The following PDE4B variants were observed in gnomAD, a reference collection of about 807,000 sequenced individuals.
PDE4B encodes the protein 3',5'-cyclic-AMP phosphodiesterase 4B.
A neutral mutation model predicts 82.2 loss-of-function variants in PDE4B; 20 were observed. That is an observed-to-expected ratio of 0.24 (90% CI 0.17 to 0.35). The LOEUF is 0.35. Ranked by LOEUF, PDE4B falls within the 10% of genes least tolerant of loss-of-function variation. The probability of loss-of-function intolerance (pLI) is 1.00; values close to 1 mark genes in which losing one functional copy is unlikely to be tolerated. For synonymous variants in PDE4B, 320 were observed against 318.9 expected (o/e 1.00, Z -0.04); for missense variants, 655 against 907.2 (o/e 0.72, Z 3.57).
intron 3 of PDE4B, among the ~76,000 whole-genome samples, chr1:65,976,596 C>T (rs1010398233): frequency 6.6e-6 from 1 of 152,102 alleles, no homozygotes; most frequent in Non-Finnish European, 1.5e-5. Context: ...AACCAAATCT[C>T]ATGTCAAATT....
intron 3 of PDE4B, among the ~76,000 whole-genome samples, chr1:66,079,697 A>G (rs1656623689): frequency 6.6e-6 from 1 of 152,160 alleles, no homozygotes; most frequent in Non-Finnish European, 1.5e-5. Flanking sequence ...TTATTTGAAG[A>G]TACTAAATGT....
chr1:66,276,720 A>G (rs1655905362), intron 7 of PDE4B, among the ~76,000 whole-genome samples: 1 of 152,210 alleles, frequency 6.6e-6, no homozygotes, highest in Non-Finnish European at 1.5e-5. Flanking sequence ...TGCTGTGATG[A>G]AGAGAATGTA....
intron 3 of PDE4B, among the ~76,000 whole-genome samples, chr1:66,146,319 G>C (rs1419543371): frequency 4.0e-5 from 6 of 151,710 alleles, no homozygotes; most frequent in Admixed American, 3.9e-4. Context: ...GAGTAGCTGG[G>C]ACTACAGGCG....
chr1:65,864,984 C>T (rs951936183), intron 1 of PDE4B, among the ~76,000 whole-genome samples: 2 of 152,194 alleles, frequency 1.3e-5, no homozygotes, highest in African/African-American at 4.8e-5. Flanking sequence ...CGCCCACAAC[C>T]GCCCCTTCCC....
At chr1:65,990,076 CTT>C (rs1259526201) in intron 3 of PDE4B, among the ~76,000 whole-genome samples, 1 of 151,960 alleles carries the variant, frequency 6.6e-6, no homozygotes, top group African/African-American at 2.4e-5. Flanking sequence ...AATTAACAGA[CTT>C]TACATATTTT....
chr1:66,293,362 T>A (rs1435365069), intron 7 of PDE4B, among the ~76,000 whole-genome samples: 3 of 152,188 alleles, frequency 2.0e-5, no homozygotes, highest in African/African-American at 4.8e-5. Flanking sequence ...GCCGTGGTAT[T>A]GTAGCTCGAT....
At chr1:66,205,843 C>T (rs1649502716) in intron 3 of PDE4B, among the ~76,000 whole-genome samples, 1 of 152,218 alleles carries the variant, frequency 6.6e-6, no homozygotes, top group Admixed American at 6.5e-5. Context: ...TTTCCTTGAG[C>T]TCATGCCCTG....
intron 3 of PDE4B, among the ~76,000 whole-genome samples, chr1:66,007,944 A>G (rs1652243152): frequency 6.6e-6 from 1 of 152,158 alleles, no homozygotes; most frequent in Non-Finnish European, 1.5e-5. Flanking sequence ...AACACATTTT[A>G]TATGCTGACA....
At chr1:65,908,213 A>G (rs1357034857) in intron 1 of PDE4B, among the ~76,000 whole-genome samples, 1 of 152,184 alleles carries the variant, frequency 6.6e-6, no homozygotes, top group Admixed American at 6.6e-5. Flanking sequence ...CTGGAAGAAT[A>G]AAGAGGGTCT....
At chr1:66,333,467 TAC>T (rs34525171) in intron 8 of PDE4B, among the ~76,000 whole-genome samples, 107,831 of 151,142 alleles carry the variant, frequency 0.71, 38,637 homozygotes, top group East Asian at 0.89. Context: ...TATGTGTGTG[TAC>T]ACACACACAC....
At chr1:66,212,033 A>T (rs553142346) in intron 3 of PDE4B, among the ~76,000 whole-genome samples, 1 of 152,316 alleles carries the variant, frequency 6.6e-6, no homozygotes, top group South Asian at 2.1e-4. Flanking sequence ...ATACCTCAAT[A>T]TTATTCTCTG....
intron 1 of PDE4B, among the ~76,000 whole-genome samples, chr1:65,858,773 A>G (rs1016607094): frequency 3.3e-5 from 5 of 152,118 alleles, no homozygotes; most frequent in African/African-American, 9.7e-5. Context: ...AAGTTTAGCA[A>G]TTTTGTTAAA....
chr1:65,997,728 T>G (rs1291593756), intron 3 of PDE4B, among the ~76,000 whole-genome samples: 1 of 152,216 alleles, frequency 6.6e-6, no homozygotes, highest in African/African-American at 2.4e-5. Flanking sequence ...CAGGCTCTGA[T>G]CTGGGCTTAG....
chr1:66,156,351 ATATT>A (rs1379041358), intron 3 of PDE4B, among the ~76,000 whole-genome samples: 4 of 152,218 alleles, frequency 2.6e-5, no homozygotes, highest in African/African-American at 7.2e-5. Flanking sequence ...GTCATCATAA[ATATT>A]TATAATAGGG....
chr1:66,171,866 A>T (rs1646843682), intron 3 of PDE4B, among the ~76,000 whole-genome samples: 1 of 152,214 alleles, frequency 6.6e-6, no homozygotes, highest in Non-Finnish European at 1.5e-5. Context: ...TATGTGACTC[A>T]TTGTGGTGTT....
chr1:66,098,076 G>C (rs1185389232), intron 3 of PDE4B, among the ~76,000 whole-genome samples: 4 of 152,014 alleles, frequency 2.6e-5, no homozygotes, highest in Non-Finnish European at 5.9e-5. Flanking sequence ...GTAGAAACAT[G>C]AATTAAGACT....
At chr1:66,160,302 A>G (rs2101251975) in intron 3 of PDE4B, among the ~76,000 whole-genome samples, 1 of 152,276 alleles carries the variant, frequency 6.6e-6, no homozygotes, top group Admixed American at 6.5e-5. Flanking sequence ...CTACCCTTTC[A>G]ATCCTTTCAA....
At chr1:65,833,939 T>C (rs2101308601) in intron 1 of PDE4B, among the ~76,000 whole-genome samples, 1 of 152,326 alleles carries the variant, frequency 6.6e-6, no homozygotes, top group South Asian at 2.1e-4. Context: ...CCTGTGCTCT[T>C]GAGCTTATTT....
At chr1:65,833,852 A>G (rs1432816428) in intron 1 of PDE4B, among the ~76,000 whole-genome samples, 1 of 152,206 alleles carries the variant, frequency 6.6e-6, no homozygotes, top group African/African-American at 2.4e-5. Flanking sequence ...TAAACTTACA[A>G]TTAAATTATA....
Sources: allele counts gnomAD v4.1 joint callset (sites outside exome capture counted in the v4.1 genomes callset), GRCh38; gene constraint gnomAD v4.1.1; transcripts MANE v1.5; gene names NCBI Gene and HGNC (gene_info 2026-07-23, HGNC 2026-07-21).